Variants in MAGI2 observed in about 807,000 individuals in gnomAD.
MAGI2 encodes the protein membrane associated guanylate kinase, WW and PDZ domain containing 2.
MAGI2 carries 35 observed loss-of-function variants against 133.3 expected under a neutral mutation model. That is an observed-to-expected ratio of 0.26 (90% CI 0.20 to 0.35). The LOEUF (loss-of-function observed/expected upper bound fraction) is 0.35, where lower values mean the gene tolerates loss of function less well. Ranked by LOEUF, MAGI2 falls within the 10% of genes least tolerant of loss-of-function variation. MAGI2 has a pLI of 1.00. For synonymous variants in MAGI2, 729 were observed against 710.6 expected (o/e 1.03, Z -0.41); for missense variants, 1,636 against 1,863.4 (o/e 0.88, Z 2.25).
At chr7:78,191,946 G>T (rs1030158727) in intron 12 of MAGI2, among the ~76,000 whole-genome samples, 1 of 152,172 alleles carries the variant, frequency 6.6e-6, no homozygotes, top group African/African-American at 2.4e-5. Context: ...TCCATCATTT[G>T]TAGGGGACTG....
chr7:78,528,158 C>G (rs1045968880), intron 3 of MAGI2, among the ~76,000 whole-genome samples: 1 of 152,176 alleles, frequency 6.6e-6, no homozygotes, highest in East Asian at 1.9e-4. Context: ...ATGTGGCAAA[C>G]TTTAAATGGT....
intron 1 of MAGI2, among the ~76,000 whole-genome samples, chr7:79,359,585 T>C (rs1431367761): frequency 6.7e-6 from 1 of 148,902 alleles, no homozygotes; most frequent in African/African-American, 2.5e-5. Context: ...AAACCCTAAA[T>C]CAGCCAGAGA....
intron 3 of MAGI2, among the ~76,000 whole-genome samples, chr7:78,595,603 C>G (rs184255229): frequency 6.6e-6 from 1 of 152,160 alleles, no homozygotes; most frequent in Non-Finnish European, 1.5e-5. Flanking sequence ...AAGAAAACTA[C>G]GCACTCAGTT....
chr7:78,408,441 C>G (rs751886697), intron 6 of MAGI2, among the ~76,000 whole-genome samples: 1 of 152,004 alleles, frequency 6.6e-6, no homozygotes, highest in African/African-American at 2.4e-5. Context: ...GGGCAAGGTC[C>G]ACAGCCTGCA....
intron 1 of MAGI2, among the ~76,000 whole-genome samples, chr7:79,073,078 G>T (rs898475740): frequency 1.3e-5 from 2 of 152,104 alleles, no homozygotes; most frequent in Non-Finnish European, 2.9e-5. Flanking sequence ...TAAGAGAGAT[G>T]CTGTATAAAA....
chr7:78,573,302 T>TTATA (rs1210455268), intron 3 of MAGI2, among the ~76,000 whole-genome samples: 3 of 34,870 alleles, frequency 8.6e-5, no homozygotes, highest in Non-Finnish European at 9.1e-5. Flanking sequence ...ATATATATAT[T>TTATA]TATATATATA....
intron 2 of MAGI2, among the ~76,000 whole-genome samples, chr7:78,687,673 A>G (rs1816478529): frequency 6.6e-6 from 1 of 152,156 alleles, no homozygotes; most frequent in African/African-American, 2.4e-5. Flanking sequence ...TCTAAAGTGC[A>G]AAATGAGCTT....
chr7:78,404,702 A>C (rs1797217955), intron 6 of MAGI2, among the ~76,000 whole-genome samples: 1 of 152,202 alleles, frequency 6.6e-6, no homozygotes, highest in Admixed American at 6.5e-5. Flanking sequence ...GTTAGACCTG[A>C]AACCATAAAA....
chr7:78,802,584 G>A (rs1788163538), intron 2 of MAGI2, among the ~76,000 whole-genome samples: 1 of 152,078 alleles, frequency 6.6e-6, no homozygotes, highest in South Asian at 2.1e-4. Context: ...AGGACTTTTA[G>A]GGCAGTGAAA....
intron 1 of MAGI2, among the ~76,000 whole-genome samples, chr7:79,185,547 C>T (rs1827009093): frequency 7.1e-6 from 1 of 140,036 alleles, no homozygotes; most frequent in African/African-American, 2.8e-5. Flanking sequence ...TAGTCAATGG[C>T]ATGTCTATTA....
intron 1 of MAGI2, among the ~76,000 whole-genome samples, chr7:79,080,968 C>T (rs143395816): frequency 1.4e-4 from 22 of 152,250 alleles, no homozygotes; most frequent in Non-Finnish European, 2.5e-4. Flanking sequence ...CTGATCCTGT[C>T]CCCAGCCCAT....
At chr7:78,447,067 A>G (rs1788218287) in intron 6 of MAGI2, among the ~76,000 whole-genome samples, 1 of 152,082 alleles carries the variant, frequency 6.6e-6, no homozygotes, top group Non-Finnish European at 1.5e-5. Context: ...AGCACTGCCC[A>G]GGGAGAGACT....
intron 16 of MAGI2, among the ~76,000 whole-genome samples, chr7:78,145,026 G>A (rs1179958704): frequency 6.6e-6 from 1 of 152,070 alleles, no homozygotes; most frequent in Non-Finnish European, 1.5e-5. Flanking sequence ...TTTTGTTGAA[G>A]CATATCCTAC....
At chr7:79,354,650 C>T (rs1165461849) in intron 1 of MAGI2, among the ~76,000 whole-genome samples, 1 of 152,112 alleles carries the variant, frequency 6.6e-6, no homozygotes, top group East Asian at 1.9e-4. Context: ...CCCTGGTCCC[C>T]AAAGAAACTC....
At chr7:78,581,367 C>A (rs1327875706) in intron 3 of MAGI2, among the ~76,000 whole-genome samples, 1 of 152,148 alleles carries the variant, frequency 6.6e-6, no homozygotes, top group African/African-American at 2.4e-5. Flanking sequence ...GCCATCACTG[C>A]CATTAGTATT....
At chr7:78,734,228 C>T (rs1333654262) in intron 2 of MAGI2, among the ~76,000 whole-genome samples, 2 of 152,156 alleles carry the variant, frequency 1.3e-5, no homozygotes, top group African/African-American at 2.4e-5. Flanking sequence ...ACTGCAGCTG[C>T]ACAGAGGCAA....
intron 1 of MAGI2, among the ~76,000 whole-genome samples, chr7:79,424,576 T>C: frequency 6.6e-6 from 1 of 152,168 alleles, no homozygotes; most frequent in Non-Finnish European, 1.5e-5. Context: ...CACAAAAAAA[T>C]GATATCTATG....
intron 6 of MAGI2, among the ~76,000 whole-genome samples, chr7:78,418,236 GC>G: frequency 6.6e-6 from 1 of 152,264 alleles, no homozygotes; most frequent in African/African-American, 2.4e-5. Context: ...TGGAAGAATG[GC>G]TGAAATTGTG....
intron 2 of MAGI2, among the ~76,000 whole-genome samples, chr7:78,966,520 G>A (rs186449481): frequency 3.0e-4 from 46 of 152,110 alleles, no homozygotes; most frequent in African/African-American, 1.1e-3. Context: ...TCTTTTTTAA[G>A]GCTTAATAAA....
Sources: allele counts gnomAD v4.1 joint callset (sites outside exome capture counted in the v4.1 genomes callset), GRCh38; gene constraint gnomAD v4.1.1; transcripts MANE v1.5; gene names NCBI Gene and HGNC (gene_info 2026-07-23, HGNC 2026-07-21).